The following MYO5B variants were observed in gnomAD, a reference collection of about 807,000 sequenced individuals.
MYO5B encodes myosin VB, also known as unconventional myosin-Vb.
In MYO5B, 143 loss-of-function variants were observed where a neutral mutation model predicts 229.3. The observed-to-expected ratio is 0.62, with a 90% CI of 0.54 to 0.72. MYO5B has a LOEUF of 0.72. Among genes scored for constraint, MYO5B ranks in the 30% least tolerant of loss-of-function variants. The pLI, the probability that MYO5B is intolerant of heterozygous loss-of-function variation, is 0.00. For synonymous variants in MYO5B, 918 were observed against 885.2 expected (o/e 1.04, Z -0.66); for missense variants, 2,321 against 2,331.0 (o/e 1.00, Z 0.09).
chr18:49,950,566 A>C (rs933842799), intron 14 of MYO5B, among the ~76,000 whole-genome samples: 7 of 152,198 alleles, frequency 4.6e-5, no homozygotes, highest in African/African-American at 1.4e-4. Context: ...ACTCGTGTGG[A>C]AAGACAACCA....
At chr18:50,049,740 G>A (rs899455589) in intron 2 of MYO5B, among the ~76,000 whole-genome samples, 8 of 152,146 alleles carry the variant, frequency 5.3e-5, no homozygotes, top group Non-Finnish European at 1.0e-4. Flanking sequence ...CCAAATGTTC[G>A]GGGCAGGGGT....
rs78282578 is a variant in MYO5B at position 50,015,895 on chromosome 18, T to C, written c.456-14484A>G. ...ATTTGGTAAGGGCTGATCTGGAACA[T>C]ATTAAGATTCTTGCTGGAACCAGAG... On this transcript the variant is annotated intron_variant, in intron 4 of 39. Transcript: ENST00000285039. 1.3e-4 allele frequency among the ~76,000 whole-genome samples: 20 copies of C among 152,350 alleles called. No homozygotes were observed. The East Asian group carries it at 3.9e-3, about 29-fold the overall frequency.
intron 16 of MYO5B, among the ~76,000 whole-genome samples, chr18:49,934,211 G>A (rs1344278061): frequency 6.6e-6 from 1 of 152,088 alleles, no homozygotes; most frequent in Non-Finnish European, 1.5e-5. Context: ...ATGAGACACA[G>A]AGAGCAAAAG....
chr18:50,075,141 C>T (rs942044612), intron 1 of MYO5B, among the ~76,000 whole-genome samples: 4 of 152,176 alleles, frequency 2.6e-5, no homozygotes, highest in Non-Finnish European at 5.9e-5. Context: ...CAAGTGTACT[C>T]AGATATTTGT....
rs555505977 is a variant in MYO5B at position 49,832,972 on chromosome 18, G to C, written c.5394+2372C>G. On this transcript the variant is annotated intron_variant, in intron 39 of 39. Transcript: ENST00000285039. ...ATCATGAACCTATCACAAGGCATAT[G>C]TATGTAAAATGTGAAATGGCAGGAG... 9.2e-5 allele frequency among the ~76,000 whole-genome samples: 14 copies of C among 152,260 alleles called. No individual in the cohort carries two copies. The East Asian group carries it at 2.1e-3, about 23-fold the overall frequency.
intron 22 of MYO5B, among the ~76,000 whole-genome samples, chr18:49,891,045 T>A (rs116171464): frequency 0.015 from 2,305 of 152,272 alleles, 53 homozygotes; most frequent in African/African-American, 0.053. Flanking sequence ...GGAGGTTTCA[T>A]GGGTCAAGGC....
At chr18:50,004,004 C>T (rs993561515) in intron 4 of MYO5B, among the ~76,000 whole-genome samples, 1 of 152,140 alleles carries the variant, frequency 6.6e-6, no homozygotes, top group African/African-American at 2.4e-5. Flanking sequence ...ACAGGTTACA[C>T]TCGGCAAAGA....
chr18:50,144,184 G>A (rs1185685519), intron 1 of MYO5B, among the ~76,000 whole-genome samples: 3 of 152,084 alleles, frequency 2.0e-5, no homozygotes, highest in Non-Finnish European at 4.4e-5. Flanking sequence ...ATCCCTTTAA[G>A]TAGAAAGGAA....
rs1398083546 is a variant in MYO5B, at chr18:49,929,038, C to T, written c.2090+474G>A. Among the ~76,000 whole-genome samples the T allele has an allele frequency of 1.7e-4, 26 of 152,100 alleles. 1 individual carries two copies. The highest frequency in any genetic ancestry group is 1.7e-3 in the Admixed American group (26 of 15,278). On this transcript the variant is annotated intron_variant, in intron 17 of 39. Transcript: ENST00000285039. ...GTGTATACTGCTTGGGTGATGGGTG[C>T]ACCGAAATCTCAGAAATCACCACTG...
intron 1 of MYO5B, among the ~76,000 whole-genome samples, chr18:50,074,200 C>T (rs972345639): frequency 4.6e-5 from 7 of 152,156 alleles, no homozygotes; most frequent in African/African-American, 9.7e-5. Flanking sequence ...AACCTTGATA[C>T]GCCCATCAGA....
intron 1 of MYO5B, among the ~76,000 whole-genome samples, chr18:50,115,142 C>T (rs1256750777): frequency 6.6e-6 from 1 of 152,226 alleles, no homozygotes; most frequent in African/African-American, 2.4e-5. Flanking sequence ...TCCATCATAC[C>T]TGTCCCAGTC....
intron 1 of MYO5B, among the ~76,000 whole-genome samples, chr18:50,188,444 C>T (rs1467227289): frequency 6.6e-6 from 1 of 152,106 alleles, no homozygotes; most frequent in Non-Finnish European, 1.5e-5. Flanking sequence ...GTGTATTTAG[C>T]TTTTATCACC....
At chr18:49,887,480 T>C (rs1318902763) in intron 22 of MYO5B, among the ~76,000 whole-genome samples, 1 of 152,012 alleles carries the variant, frequency 6.6e-6, no homozygotes, top group Non-Finnish European at 1.5e-5. Context: ...TGAGATCTGG[T>C]TGTTTAAAAA....
intron 4 of MYO5B, among the ~76,000 whole-genome samples, chr18:50,035,269 A>G (rs1200634858): frequency 1.3e-5 from 2 of 152,224 alleles, no homozygotes; most frequent in Non-Finnish European, 2.9e-5. Flanking sequence ...CCTAAGTGCA[A>G]TGGCCAAGAG....
intron 18 of MYO5B, among the ~76,000 whole-genome samples, chr18:49,907,225 A>T (rs910012260): frequency 2.0e-5 from 3 of 152,182 alleles, no homozygotes; most frequent in Non-Finnish European, 4.4e-5. Flanking sequence ...TGCAGCATAA[A>T]ATTGGGGTGA....
rs574188085 is a variant in MYO5B, at chr18:49,976,447, G to GTTGGCT, written c.1057-1838_1057-1833dup. Among the ~76,000 whole-genome samples, 45 of 152,292 alleles carry GTTGGCT rather than the reference G, an allele frequency of 3.0e-4. 1 individual carries two copies. In the East Asian group the frequency reaches 6.8e-3, roughly 23 times the overall value. On this transcript the variant is annotated intron_variant, in intron 9 of 39. Transcript: ENST00000285039. Reference sequence around the variant, plus strand: ...GGAACAGTAGTTGCAAAGAACATTAGTTGGCTTTACTTAACAGAAGGAGAG... The same window carrying GTTGGCT: ...GGAACAGTAGTTGCAAAGAACATTAGTTGGCTTTGGCTTTACTTAACAGAAGGAGAG...
intron 1 of MYO5B, among the ~76,000 whole-genome samples, chr18:50,099,623 C>A (rs1009404333): frequency 1.3e-5 from 2 of 152,168 alleles, no homozygotes; most frequent in African/African-American, 4.8e-5. Context: ...GAGACATTCT[C>A]AATTAGGGGT....
In MYO5B at chr18:49,864,186, G is replaced by T. The variant is rs767289050; in HGVS notation, c.3798C>A (p.Thr1266=). Residue 1266 remains threonine (T), a synonymous_variant, in exon 28 of 40, where the codon ACC becomes ACA. Transcript: ENST00000285039. ...VRKEEVLILR[T]QIVSADQRRL... ...GCCGCTGGTCGGCGCTCACGATCTG[G>T]GTCCTGAGGATGAGCACCTCCTCCT... The T allele has an allele frequency of 6.8e-6, 11 of 1,612,722 alleles. No homozygotes were observed. In the African/African-American group the frequency reaches 1.2e-4, roughly 18 times the overall value.
intron 1 of MYO5B, among the ~76,000 whole-genome samples, chr18:50,180,357 G>A (rs1358973954): frequency 1.3e-5 from 2 of 152,116 alleles, no homozygotes; most frequent in African/African-American, 4.8e-5. Flanking sequence ...AGCCTGAGGG[G>A]TGTCCTAGAC....
Sources: gnomAD v4.1 joint callset for allele counts (sites outside exome capture counted in the v4.1 genomes callset) on GRCh38, gnomAD v4.1.1 for gene constraint, MANE v1.5 for transcripts, NCBI Gene and HGNC (gene_info 2026-07-23, HGNC 2026-07-21) for gene names.